The following PCDHGA8 variants were observed in gnomAD, a reference collection of about 807,000 sequenced individuals.
The protein encoded by PCDHGA8 is protocadherin gamma subfamily A, 8.
Under a neutral mutation model 59.2 loss-of-function variants are expected in PCDHGA8, and 45 were observed. That is an observed-to-expected ratio of 0.76 (90% CI 0.60 to 0.98). The LOEUF (loss-of-function observed/expected upper bound fraction) is 0.98, where lower values mean the gene tolerates loss of function less well. PCDHGA8 is among the 50% of genes least tolerant of loss of function. PCDHGA8 has a pLI of 0.00. For missense variants in PCDHGA8, 1,257 were observed against 1,196.2 expected (o/e 1.05, Z -0.75); for synonymous variants, 531 against 519.0 (o/e 1.02, Z -0.32).
At chr5:141,421,156 C>T in intron 1 of PCDHGA8, 1 of 1,197,694 alleles carries the variant, frequency 8.3e-7, no homozygotes, top group Non-Finnish European at 1.1e-6. Flanking sequence ...CGGCCTAGGA[C>T]TTCATAGATA....
intron 1 of PCDHGA8, chr5:141,404,338 G>A (rs752211796): frequency 1.9e-5 from 30 of 1,613,686 alleles, no homozygotes; most frequent in Non-Finnish European, 2.4e-5. Flanking sequence ...TCTACCTCCC[G>A]GAAAACAACG....
At position 141,485,831 on chromosome 5, in the gene PCDHGA8, C is replaced by A; in HGVS notation, c.2425-8976C>A. The A allele has an allele frequency of 6.2e-7, 1 of 1,614,080 alleles. No individual in the cohort carries two copies. Among genetic ancestry groups the A allele is most frequent in the Non-Finnish European group, 8.5e-7 (1 of 1,180,026 alleles). ...GCTGACTGCTGTCGATGGAGGGAAC[C>A]CGCCGAGATCTGGCACCGCAGAGCT... On this transcript the variant is annotated intron_variant, in intron 1 of 3. Coordinates refer to ENST00000398604, the MANE Select transcript of PCDHGA8 (RefSeq NM_032088.2). The surrounding 1 kb of genome is among the most constrained non-coding windows in gnomAD (Gnocchi z 5.7).
At position 141,487,063 on chromosome 5, in the gene PCDHGA8, G is replaced by T; in HGVS notation, c.2425-7744G>T. The T allele has an allele frequency of 6.2e-7, 1 of 1,614,086 alleles. No homozygotes were observed. ...CTCGATATGCTGGGGAGGTGCGGACGGCTGTTCCTATCCCAGCTGACCTCC... is the reference window on the plus strand; with the variant it reads ...CTCGATATGCTGGGGAGGTGCGGACTGCTGTTCCTATCCCAGCTGACCTCC... On this transcript the variant is annotated intron_variant, in intron 1 of 3. Coordinates refer to ENST00000398604, the MANE Select transcript of PCDHGA8 (RefSeq NM_032088.2). The surrounding 1 kb of genome is among the most constrained non-coding windows in gnomAD (Gnocchi z 5.0).
In PCDHGA8 at chr5:141,431,544, T is replaced by C. The variant is rs1409551731; in HGVS notation, c.2424+36307T>C. 1.2e-6 allele frequency: 2 copies of C among 1,614,152 alleles called. No individual in the cohort carries two copies. The highest frequency in any genetic ancestry group is 2.2e-5 in the South Asian group (2 of 91,092). ...AATCTGGCCTTGGGCACGCAGCTGC[T>C]TGTAGTCAACGCTACCGACCCTGAC... On this transcript the variant is annotated intron_variant, in intron 1 of 3. Coordinates refer to ENST00000398604, the MANE Select transcript of PCDHGA8 (RefSeq NM_032088.2). The surrounding 1 kb of genome is among the most constrained non-coding windows in gnomAD (Gnocchi z 4.8).
chr5:141,448,044 C>T (rs2098559539), intron 1 of PCDHGA8, among the ~76,000 whole-genome samples: 1 of 151,942 alleles, frequency 6.6e-6, no homozygotes, highest in African/African-American at 2.4e-5. Context: ...CAAGATCATG[C>T]CATTGCTCTC....
At position 141,487,550 on chromosome 5, in the gene PCDHGA8, G is replaced by A. The variant is rs762537798; in HGVS notation, c.2425-7257G>A. 1 of 1,614,160 alleles carries A rather than the reference G, an allele frequency of 6.2e-7. No individual in the cohort carries two copies. The highest frequency in any genetic ancestry group is 1.1e-5 in the South Asian group (1 of 91,082). ...CTTCATGATGGTGAAGTCACCCAGT[G>A]CACCTATGGCAGGGGAGCCTGTTCG... On this transcript the variant is annotated intron_variant, in intron 1 of 3. Transcript: ENST00000398604. The surrounding 1 kb of genome is among the most constrained non-coding windows in gnomAD (Gnocchi z 5.0).
At chr5:141,474,461 CTT>C (rs1264129273) in intron 1 of PCDHGA8, among the ~76,000 whole-genome samples, 1 of 152,214 alleles carries the variant, frequency 6.6e-6, no homozygotes, top group East Asian at 1.9e-4. Context: ...GGGCTATACT[CTT>C]TATTCTAAAT....
In PCDHGA8 at chr5:141,489,255, A is replaced by G. The variant is rs909780010; in HGVS notation, c.2425-5552A>G. 2 of 1,548,804 alleles carry G rather than the reference A, an allele frequency of 1.3e-6. No individual in the cohort carries two copies. Among genetic ancestry groups the G allele is most frequent in the Non-Finnish European group, 1.7e-6 (2 of 1,147,848 alleles). On this transcript the variant is annotated intron_variant, in intron 1 of 3. Coordinates refer to ENST00000398604, the MANE Select transcript of PCDHGA8 (RefSeq NM_032088.2). The surrounding 1 kb of genome is among the most constrained non-coding windows in gnomAD (Gnocchi z 4.5). ...ACTTCTGGGTCATGGGGCCCAAGAC[A>G]CTCCCACAGCTCGCTGGGAAATGGC...
At position 141,485,379 on chromosome 5, in the gene PCDHGA8, A is replaced by G. The variant is rs749607481; in HGVS notation, c.2425-9428A>G. 12 of 1,613,934 alleles carry G rather than the reference A, an allele frequency of 7.4e-6. No homozygotes were observed. In the Admixed American group the frequency reaches 1.8e-4, roughly 25 times the overall value. The stretch of plus-strand genomic sequence containing the variant: ...GCTCGCAGGCTGCAGGTCGCTGGAG[A>G]GGTGAACCAAAGACACTTCCGTGTG... On this transcript the variant is annotated intron_variant, in intron 1 of 3. Coordinates refer to ENST00000398604, the MANE Select transcript of PCDHGA8 (RefSeq NM_032088.2). This position sits in a 1 kb window ranked among gnomAD's most constrained non-coding sequence, Gnocchi z 5.7.
chr5:141,419,756 G>C (rs1006926516), intron 1 of PCDHGA8: 10 of 1,613,890 alleles, frequency 6.2e-6, no homozygotes, highest in Admixed American at 1.7e-5. Flanking sequence ...GCGTGCTTTG[G>C]GTGACAAGGA....
At position 141,503,509 on chromosome 5, in the gene PCDHGA8, G is replaced by A. The variant is rs373282648; in HGVS notation, c.2484-1884G>A. ...AGCTGCTCAAGAGGCTGAGGCAGGA[G>A]AATCACTTGAACCTGGGAGGCAGAG... On this transcript the variant is annotated intron_variant, in intron 2 of 3. Transcript: ENST00000398604. Among the ~76,000 whole-genome samples the A allele has an allele frequency of 9.4e-5, 14 of 149,410 alleles. No individual in the cohort carries two copies. The South Asian group carries it at 1.5e-3, about 16-fold the overall frequency.
At chr5:141,403,585 C>A in intron 1 of PCDHGA8, 1 of 1,613,894 alleles carries the variant, frequency 6.2e-7, no homozygotes, top group South Asian at 1.1e-5. Context: ...ACCACCTGGT[C>A]CTCACGGCCT....
At chr5:141,414,668 A>C in intron 1 of PCDHGA8, 1 of 1,613,856 alleles carries the variant, frequency 6.2e-7, no homozygotes, top group East Asian at 2.2e-5. Context: ...CTGGCTGAAG[A>C]CACCATCCAG....
At position 141,512,903 on chromosome 5, in the gene PCDHGA8, CAA is replaced by C. The variant is rs2099884494; in HGVS notation, c.*1731_*1732del. The C allele has an allele frequency of 6.6e-6, 1 of 152,224 alleles. No individual in the cohort carries two copies. Among genetic ancestry groups the C allele is most frequent in the African/African-American group, 2.4e-5 (1 of 41,452 alleles). 9.4% of individuals were successfully genotyped at this position (152,224 alleles called of 1,614,324 possible). On this transcript the variant is annotated 3_prime_UTR_variant, in exon 4 of 4. Transcript: ENST00000398604. ...CCCCACCCTCTTCCTGTGTCTCACG[CAA>C]GTTTTATACTCTAATATTTATATGG...
intron 2 of PCDHGA8, among the ~76,000 whole-genome samples, chr5:141,503,085 C>T (rs1284066265): frequency 6.6e-6 from 1 of 152,044 alleles, no homozygotes; most frequent in Non-Finnish European, 1.5e-5. Context: ...GATCTCCTGA[C>T]CTCGTGGTCT....
At chr5:141,403,786 A>G (rs1317253233) in intron 1 of PCDHGA8, 1 of 1,613,848 alleles carries the variant, frequency 6.2e-7, no homozygotes, top group African/African-American at 1.3e-5. Flanking sequence ...GAAAAGTGGC[A>G]TACAAATTCT....
At chr5:141,416,245 C>T (rs1029299377) in intron 1 of PCDHGA8, 1 of 152,234 alleles carries the variant, frequency 6.6e-6, no homozygotes, top group Non-Finnish European at 1.5e-5. Flanking sequence ...CTATTTATAA[C>T]TGATAACACT....
At chr5:141,413,151 T>C (rs1192899612) in intron 1 of PCDHGA8, 5 of 1,573,560 alleles carry the variant, frequency 3.2e-6, no homozygotes, top group South Asian at 1.2e-5. Context: ...GTGAGGACTT[T>C]GCAGAATTCT....
chr5:141,409,904 G>T lies in PCDHGA8; in HGVS notation c.2424+14667G>T, dbSNP rs757396196. 10 of 1,613,278 alleles carry T rather than the reference G, an allele frequency of 6.2e-6. No homozygotes were observed. The South Asian group carries it at 1.1e-4, about 18-fold the overall frequency. On this transcript the variant is annotated intron_variant, in intron 1 of 3. Coordinates refer to ENST00000398604, the MANE Select transcript of PCDHGA8 (RefSeq NM_032088.2). ...ACCGCGGGTGCTGTACCCAGCTCTGGGTCCTGACGGCTCCGCGTTCTTCGA... is the reference window on the plus strand; with the variant it reads ...ACCGCGGGTGCTGTACCCAGCTCTGTGTCCTGACGGCTCCGCGTTCTTCGA...
Sources: allele counts gnomAD v4.1 joint callset (sites outside exome capture counted in the v4.1 genomes callset), GRCh38; gene constraint gnomAD v4.1.1; non-coding constraint Gnocchi (gnomAD v3.1); transcripts MANE v1.5; gene names NCBI Gene and HGNC (gene_info 2026-07-23, HGNC 2026-07-21).